CAMK4: variants seen among roughly 807,000 people sequenced by gnomAD.
The protein encoded by CAMK4 is calcium/calmodulin dependent protein kinase IV.
Under a neutral mutation model 44.9 loss-of-function variants are expected in CAMK4, and 22 were observed. The ratio of observed to expected loss-of-function variants is 0.49; its 90% CI spans 0.35 to 0.70. The LOEUF (loss-of-function observed/expected upper bound fraction) is 0.70. Among genes scored for constraint, CAMK4 ranks in the 30% least tolerant of loss-of-function variants. The pLI, the probability that CAMK4 is intolerant of heterozygous loss-of-function variation, is 0.01. For missense variants in CAMK4, 498 were observed against 586.8 expected (o/e 0.85, Z 1.56); for synonymous variants, 218 against 215.4 (o/e 1.01, Z -0.11).
chr5:111,446,848 A>T, intron 6 of CAMK4, 72 bp downstream of exon 6: 3 of 858,336 alleles, frequency 3.5e-6, no homozygotes, highest in Non-Finnish European at 6.1e-6. Context: ...TGGAATTTTT[A>T]AATATTGCTC....
chr5:111,493,902 T>G lies in CAMK4; in HGVS notation c.*9436T>G, dbSNP rs1459057442. 4 of 152,132 alleles carry G rather than the reference T, an allele frequency of 2.6e-5. No homozygotes were observed. The highest frequency in any genetic ancestry group is 4.4e-5 in the Non-Finnish European group (3 of 68,024). The allele number at this position is 152,132 out of a possible 1,614,324, so 9.4% of individuals were successfully genotyped here. A position where few individuals can be genotyped will look rare whatever the true frequency, so the allele number is the denominator to read the frequency against. ...GATAGGGAGCAAGATTGACTGTCATTTGAATGATGGAAGAGAAGTAGAATT... is the reference window on the plus strand; with the variant it reads ...GATAGGGAGCAAGATTGACTGTCATGTGAATGATGGAAGAGAAGTAGAATT... On this transcript the variant is annotated 3_prime_UTR_variant, in exon 11 of 11. Transcript: ENST00000282356. This position sits in a 1 kb window ranked among gnomAD's most constrained non-coding sequence, Gnocchi z 4.1.
intron 7 of CAMK4, among the ~76,000 whole-genome samples, chr5:111,456,272 C>T (rs542988752): frequency 6.6e-5 from 10 of 152,098 alleles, no homozygotes; most frequent in African/African-American, 1.9e-4. Context: ...GAGGCCGAGG[C>T]GGGTGGATCA....
At chr5:111,480,258 A>ACACACACG (rs1357625906) in intron 9 of CAMK4, among the ~76,000 whole-genome samples, 1 of 145,634 alleles carries the variant, frequency 6.9e-6, no homozygotes, top group East Asian at 2.0e-4. Context: ...AAACACACAC[A>ACACACACG]CACACACACA....
chr5:111,349,419 G>A (rs1384725938), intron 2 of CAMK4, among the ~76,000 whole-genome samples: 1 of 151,938 alleles, frequency 6.6e-6, no homozygotes, highest in Non-Finnish European at 1.5e-5. Flanking sequence ...GTTACTTTGG[G>A]TCTTTAAGGG....
intron 1 of CAMK4, among the ~76,000 whole-genome samples, chr5:111,292,180 C>T (rs748116112): frequency 5.3e-5 from 8 of 152,172 alleles, no homozygotes; most frequent in Non-Finnish European, 8.8e-5. Flanking sequence ...ACCAGGACAA[C>T]GTGTCCTCAT....
intron 1 of CAMK4, among the ~76,000 whole-genome samples, chr5:111,249,640 ATATATGTGTGTGTGTGTGTATATATATG>A (rs1749394246): frequency 8.3e-6 from 1 of 120,034 alleles, no homozygotes; most frequent in African/African-American, 2.9e-5. Flanking sequence ...ATATATATAT[ATATATGTGTGTGTGTGTGTATATATATG>A]TGTGTGTGTG....
chr5:111,285,639 A>G (rs1294281083), intron 1 of CAMK4, among the ~76,000 whole-genome samples: 1 of 152,122 alleles, frequency 6.6e-6, no homozygotes, highest in African/African-American at 2.4e-5. Flanking sequence ...TCTTTTGTTT[A>G]TGACTGCAGT....
chr5:111,403,831 A>C (rs1752319458), intron 5 of CAMK4, among the ~76,000 whole-genome samples: 3 of 152,198 alleles, frequency 2.0e-5, no homozygotes. Flanking sequence ...TAATGATATC[A>C]AAATTTTACC....
chr5:111,242,671 T>C (rs955016627), intron 1 of CAMK4, among the ~76,000 whole-genome samples: 1 of 152,124 alleles, frequency 6.6e-6, no homozygotes, highest in Non-Finnish European at 1.5e-5. Flanking sequence ...AGCAGGTCTT[T>C]TCAGAACAGC....
chr5:111,468,865 C>T (rs1402643781), intron 7 of CAMK4, among the ~76,000 whole-genome samples: 1 of 151,950 alleles, frequency 6.6e-6, no homozygotes, highest in African/African-American at 2.4e-5. Context: ...GTAATCACAG[C>T]TACTCAGGAG....
At chr5:111,274,191 T>C (rs998851651) in intron 1 of CAMK4, among the ~76,000 whole-genome samples, 1 of 152,150 alleles carries the variant, frequency 6.6e-6, no homozygotes, top group Admixed American at 6.6e-5. Flanking sequence ...AAGTCTCTAC[T>C]CAAATACAGC....
At chr5:111,277,596 T>C (rs1750821408) in intron 1 of CAMK4, 1 of 152,190 alleles carries the variant, frequency 6.6e-6, no homozygotes, top group Admixed American at 6.5e-5. Flanking sequence ...AGGATGGAGA[T>C]AGTCAATGTT....
intron 9 of CAMK4, among the ~76,000 whole-genome samples, chr5:111,481,705 A>T (rs1485517990): frequency 2.6e-5 from 4 of 152,166 alleles, no homozygotes; most frequent in Non-Finnish European, 5.9e-5. Flanking sequence ...GCTCTGACAT[A>T]CACAGACCTG....
At chr5:111,401,268 A>T (rs2112875097) in intron 5 of CAMK4, among the ~76,000 whole-genome samples, 1 of 152,216 alleles carries the variant, frequency 6.6e-6, no homozygotes, top group Middle Eastern at 3.4e-3. Context: ...CCTCCCAAGT[A>T]GCCGGGATTA....
chr5:111,388,666 T>A (rs934596950), intron 4 of CAMK4, among the ~76,000 whole-genome samples: 1 of 152,190 alleles, frequency 6.6e-6, no homozygotes, highest in Non-Finnish European at 1.5e-5. Flanking sequence ...CTGTGTTGAA[T>A]GTTGTCTGTC....
chr5:111,390,558 A>G (rs1232098387), intron 4 of CAMK4, among the ~76,000 whole-genome samples: 1 of 152,204 alleles, frequency 6.6e-6, no homozygotes, highest in Non-Finnish European at 1.5e-5. Context: ...AAAAGTTTCT[A>G]TTTAAAATGA....
chr5:111,476,871 C>A (rs564355013), intron 8 of CAMK4, among the ~76,000 whole-genome samples: 52 of 152,308 alleles, frequency 3.4e-4, no homozygotes, highest in African/African-American at 1.2e-3. Context: ...TTACCTCTGT[C>A]ACCAAAGCAA....
At chr5:111,349,061 A>G (rs1014629490) in intron 2 of CAMK4, among the ~76,000 whole-genome samples, 1 of 152,016 alleles carries the variant, frequency 6.6e-6, no homozygotes, top group Non-Finnish European at 1.5e-5. Context: ...ACTGTAAACA[A>G]GAGAGGAAAA....
intron 5 of CAMK4, among the ~76,000 whole-genome samples, chr5:111,413,498 AC>A (rs1162159318): frequency 6.6e-6 from 1 of 151,870 alleles, no homozygotes; most frequent in African/African-American, 2.4e-5. Flanking sequence ...AATCACTTGA[AC>A]CCAGGAGGTG....
Sources: allele counts gnomAD v4.1 joint callset (sites outside exome capture counted in the v4.1 genomes callset), GRCh38; gene constraint gnomAD v4.1.1; non-coding constraint Gnocchi (gnomAD v3.1); transcripts MANE v1.5; gene names NCBI Gene and HGNC (gene_info 2026-07-23, HGNC 2026-07-21).